NALCN: variants seen among roughly 807,000 people sequenced by gnomAD.
NALCN encodes the protein sodium leak channel NALCN.
In NALCN, 111 loss-of-function variants were observed where a neutral mutation model predicts 225.3. That is an observed-to-expected ratio of 0.49 (90% CI 0.42 to 0.58). The LOEUF (loss-of-function observed/expected upper bound fraction) is 0.58. Among genes scored for constraint, NALCN ranks in the 20% least tolerant of loss-of-function variants. NALCN has a pLI of 0.00. For missense variants in NALCN, 1,378 were observed against 2,202.4 expected, an observed-to-expected ratio of 0.63 and a Z score of 7.49; for synonymous variants, 764 against 769.0, an observed-to-expected ratio of 0.99 and a Z score of 0.11.
intron 17 of NALCN, among the ~76,000 whole-genome samples, chr13:101,126,693 A>G (rs2139708799): frequency 6.6e-6 from 1 of 152,132 alleles, no homozygotes; most frequent in Middle Eastern, 3.4e-3. Context: ...GGGTTTCACC[A>G]TATTGGCCAG....
At chr13:101,113,466 A>T (rs1258505266) in intron 18 of NALCN, among the ~76,000 whole-genome samples, 1 of 152,236 alleles carries the variant, frequency 6.6e-6, no homozygotes, top group Non-Finnish European at 1.5e-5. Flanking sequence ...ATTTTGGAAA[A>T]TAACAGTGTT....
At chr13:101,227,903 G>A (rs561635105) in intron 13 of NALCN, among the ~76,000 whole-genome samples, 2 of 152,304 alleles carry the variant, frequency 1.3e-5, no homozygotes, top group African/African-American at 2.4e-5. Context: ...CCTGTGATGG[G>A]AATCCGTTCC....
At chr13:101,177,828 G>T (rs979405024) in intron 14 of NALCN, among the ~76,000 whole-genome samples, 4 of 152,174 alleles carry the variant, frequency 2.6e-5, no homozygotes, top group Non-Finnish European at 5.9e-5. Flanking sequence ...GCCAGTGCTA[G>T]AGAAGTTATT....
intron 15 of NALCN, among the ~76,000 whole-genome samples, chr13:101,163,764 CG>C (rs377650140): frequency 1.3e-5 from 2 of 152,092 alleles, no homozygotes; most frequent in East Asian, 3.9e-4. Flanking sequence ...TGTCTAGGGC[CG>C]CTGCCACAAA....
intron 37 of NALCN, among the ~76,000 whole-genome samples, chr13:101,070,085 G>A (rs1297440059): frequency 1.3e-3 from 9 of 7,016 alleles, no homozygotes; most frequent in African/African-American, 5.2e-3. Context: ...TTTTTTTTTT[G>A]AGACGGAGTC....
chr13:101,303,913 C>A (rs1241429679), intron 7 of NALCN, among the ~76,000 whole-genome samples: 1 of 152,178 alleles, frequency 6.6e-6, no homozygotes, highest in African/African-American at 2.4e-5. Flanking sequence ...ACAGAAAAAT[C>A]ATCCCTGGAA....
intron 3 of NALCN, among the ~76,000 whole-genome samples, chr13:101,393,958 T>C (rs2047213949): frequency 6.6e-6 from 1 of 152,196 alleles, no homozygotes; most frequent in Admixed American, 6.5e-5. Flanking sequence ...TATTGCTAAG[T>C]CTTGTTACAA....
At chr13:101,166,344 C>T (rs889960892) in intron 15 of NALCN, among the ~76,000 whole-genome samples, 1 of 152,036 alleles carries the variant, frequency 6.6e-6, no homozygotes, top group Non-Finnish European at 1.5e-5. Context: ...GCAGCAGCAC[C>T]ATTTTACATT....
At chr13:101,068,911 T>C (rs2032638029) in intron 37 of NALCN, 84 bp from the exon 38 acceptor site, 5 of 1,385,776 alleles carry the variant, frequency 3.6e-6, no homozygotes, top group Admixed American at 2.6e-5. Flanking sequence ...AATGAATAGA[T>C]TCCTAAACAT....
chr13:101,092,852 G>C (rs750256314), intron 28 of NALCN, among the ~76,000 whole-genome samples: 4 of 152,020 alleles, frequency 2.6e-5, no homozygotes, highest in African/African-American at 7.3e-5. Context: ...GATGAGTTTC[G>C]GGTGAGCCAG....
intron 6 of NALCN, among the ~76,000 whole-genome samples, chr13:101,362,522 A>G (rs906618028): frequency 1.3e-5 from 2 of 152,114 alleles, no homozygotes; most frequent in African/African-American, 4.8e-5. Context: ...CAGAAAAAGC[A>G]TTTGGTAAAA....
intron 1 of NALCN, among the ~76,000 whole-genome samples, chr13:101,409,391 T>C (rs1363896955): frequency 6.6e-6 from 1 of 152,196 alleles, no homozygotes; most frequent in Non-Finnish European, 1.5e-5. Flanking sequence ...AACACAGATC[T>C]CTCGAGCTCA....
intron 18 of NALCN, among the ~76,000 whole-genome samples, chr13:101,121,383 T>C (rs890614021): frequency 2.0e-5 from 3 of 152,214 alleles, no homozygotes; most frequent in Non-Finnish European, 2.9e-5. Flanking sequence ...TAATATTTCA[T>C]AAAAACTTCC....
intron 6 of NALCN, among the ~76,000 whole-genome samples, chr13:101,359,910 T>C (rs1223330111): frequency 6.6e-6 from 1 of 152,168 alleles, no homozygotes; most frequent in East Asian, 1.9e-4. Context: ...CAGTTTATTG[T>C]ACACATTAAG....
At chr13:101,309,484 A>G (rs1017680596) in intron 7 of NALCN, among the ~76,000 whole-genome samples, 3 of 152,176 alleles carry the variant, frequency 2.0e-5, no homozygotes, top group African/African-American at 2.4e-5. Flanking sequence ...ACATTTCCTC[A>G]TCTGTCAATC....
rs116720432 is a variant in NALCN at position 101,123,554 on chromosome 13, T to C, written c.2192+1054A>G. On this transcript the variant is annotated intron_variant, in intron 18 of 43. Coordinates refer to ENST00000251127, the MANE Select transcript of NALCN (RefSeq NM_052867.4). The stretch of plus-strand genomic sequence containing the variant: ...CTATTTCAATGAGACCTTGTCTGTT[T>C]ATCTCATCACATTTTGTGGTGATAA... 4.3e-3 allele frequency among the ~76,000 whole-genome samples: 650 copies of C among 152,310 alleles called. 4 individuals are homozygous for C. The highest frequency in any genetic ancestry group is 0.015 in the African/African-American group (610 of 41,574).
At chr13:101,194,139 C>T (rs953641451) in intron 13 of NALCN, among the ~76,000 whole-genome samples, 1 of 152,132 alleles carries the variant, frequency 6.6e-6, no homozygotes, top group Non-Finnish European at 1.5e-5. Context: ...TTGATCAACA[C>T]AGTAGCTGCT....
At chr13:101,073,510 C>T (rs1343032231) in intron 37 of NALCN, 74 bp downstream of exon 37, 1 of 1,248,570 alleles carries the variant, frequency 8.0e-7, no homozygotes, top group East Asian at 2.3e-5. Context: ...CAAGGATGAT[C>T]CTGCCAACAT....
chr13:101,386,947 C>T (rs570410030), intron 3 of NALCN, among the ~76,000 whole-genome samples: 50 of 152,218 alleles, frequency 3.3e-4, no homozygotes, highest in African/African-American at 8.7e-4. Context: ...GTTGGCCAGG[C>T]GCGGTGGCTC....
Sources: allele counts gnomAD v4.1 joint callset (sites outside exome capture counted in the v4.1 genomes callset), GRCh38; gene constraint gnomAD v4.1.1; transcripts MANE v1.5; gene names NCBI Gene and HGNC (gene_info 2026-07-23, HGNC 2026-07-21).